Variants in USP8 observed in about 807,000 individuals in gnomAD.
The protein encoded by USP8 is ubiquitin carboxyl-terminal hydrolase 8.
A neutral mutation model predicts 130.0 loss-of-function variants in USP8; 27 were observed. The observed-to-expected ratio is 0.21, with a 90% confidence interval of 0.15 to 0.29. The LOEUF (loss-of-function observed/expected upper bound fraction) is 0.29. USP8 is among the 10% of genes least tolerant of loss of function. The pLI is 1.00. For synonymous variants in USP8, 392 were observed against 444.1 expected, an observed-to-expected ratio of 0.88 and a Z score of 1.48; for missense variants, 1,029 against 1,312.2, an observed-to-expected ratio of 0.78 and a Z score of 3.33.
intron 14 of USP8, among the ~76,000 whole-genome samples, chr15:50,492,225 G>A (rs1287596641): frequency 6.6e-6 from 1 of 152,146 alleles, no homozygotes; most frequent in Non-Finnish European, 1.5e-5. Flanking sequence ...TAGAATTTAA[G>A]TAATAGTACC....
chr15:50,495,608 A>G (rs537623319), intron 16 of USP8, among the ~76,000 whole-genome samples: 87 of 152,012 alleles, frequency 5.7e-4, no homozygotes, highest in African/African-American at 1.9e-3. Context: ...GGCCCTTTTC[A>G]GCTTTTTAAA....
chr15:50,457,674 C>T (rs2414042), intron 4 of USP8, among the ~76,000 whole-genome samples: 2,334 of 150,902 alleles, frequency 0.015, 62 homozygotes, highest in African/African-American at 0.055. Context: ...ACAAGCCTGG[C>T]CACATGGTGA....
intron 2 of USP8, 35 bp from the exon 3 acceptor site, chr15:50,441,314 A>G (rs770114138): frequency 1.4e-5 from 21 of 1,550,266 alleles, no homozygotes; most frequent in East Asian, 4.6e-5. Flanking sequence ...CCAGATGTCA[A>G]TTGCTTTAAT....
In USP8 at chr15:50,471,741, C is replaced by G; in HGVS notation, c.795C>G (p.Ala265=). The G allele has an allele frequency of 6.2e-7, 1 of 1,613,988 alleles. No individual in the cohort carries two copies. The highest frequency in any genetic ancestry group is 8.5e-7 in the Non-Finnish European group (1 of 1,179,988). The change falls in exon 8 of 20, where the codon GCC becomes GCG. Residue 265 remains alanine (A), a synonymous_variant. Coordinates refer to ENST00000307179, the MANE Select transcript of USP8 (RefSeq NM_005154.5). ...YVVLLDWFSS[A]KDLQIGTTLR... ...TACTTCTTGACTGGTTTAGTTCTGC[C>G]AAAGATTTACAGATTGGAACAACTC...
chr15:50,437,400 C>T (rs1047276120), intron 1 of USP8, among the ~76,000 whole-genome samples: 1 of 151,998 alleles, frequency 6.6e-6, no homozygotes, highest in Non-Finnish European at 1.5e-5. Flanking sequence ...TTGTTCAATT[C>T]AATTTGATTT....
At chr15:50,457,565 A>AG (rs1157613948) in intron 4 of USP8, among the ~76,000 whole-genome samples, 3 of 102,792 alleles carry the variant, frequency 2.9e-5, no homozygotes, top group Non-Finnish European at 4.5e-5. Flanking sequence ...CTCAAAAAAG[A>AG]AAAAAAAAAA....
intron 16 of USP8, among the ~76,000 whole-genome samples, chr15:50,494,717 A>G (rs1255040859): frequency 6.6e-6 from 1 of 152,164 alleles, no homozygotes; most frequent in Non-Finnish European, 1.5e-5. Context: ...ACATCCTTCT[A>G]AAATAAGAAT....
chr15:50,460,019 CAG>C (rs1323369068), intron 5 of USP8, among the ~76,000 whole-genome samples: 1 of 77,618 alleles, frequency 1.3e-5, no homozygotes, highest in Non-Finnish European at 2.4e-5. Context: ...TTTTTTGAGA[CAG>C]AGTCTCATTC....
chr15:50,484,418 T>A, intron 12 of USP8, 57 bp downstream of exon 12: 1 of 1,317,648 alleles, frequency 7.6e-7, no homozygotes, highest in Non-Finnish European at 1.1e-6. Context: ...GGATTATAAC[T>A]ATGTGATTAT....
chr15:50,433,013 G>A (rs544072458), intron 1 of USP8, among the ~76,000 whole-genome samples: 3 of 152,248 alleles, frequency 2.0e-5, no homozygotes, highest in South Asian at 2.1e-4. Flanking sequence ...AGGCCGAGGC[G>A]GGCGGATCAC....
In USP8 at chr15:50,504,566, T is replaced by C. The variant is rs1303451305; in HGVS notation, c.*5478T>C. 8 of 152,212 alleles carry C rather than the reference T, an allele frequency of 5.3e-5. No homozygotes were observed. Among genetic ancestry groups the C allele is most frequent in the African/African-American group, 9.7e-5 (4 of 41,440 alleles). 9.4% of individuals were successfully genotyped at this position (152,212 alleles called of 1,614,324 possible). A position where few individuals can be genotyped will look rare whatever the true frequency, so the allele number is the denominator to read the frequency against. ...ACACCAGAAAAGACACCATTTTATA[T>C]AGGGCCCTTGAGCATCTGTGGATTT... is the stretch of plus-strand genomic sequence containing the variant. On this transcript the variant is annotated 3_prime_UTR_variant, in exon 20 of 20. Coordinates refer to ENST00000307179, the MANE Select transcript of USP8 (RefSeq NM_005154.5).
At chr15:50,434,592 C>G (rs2050040041) in intron 1 of USP8, among the ~76,000 whole-genome samples, 1 of 151,398 alleles carries the variant, frequency 6.6e-6, no homozygotes, top group African/African-American at 2.4e-5. Context: ...ACTTGCAATC[C>G]TTTTTGAAGC....
chr15:50,452,771 T>A (rs1475457760), intron 4 of USP8, among the ~76,000 whole-genome samples: 2 of 152,194 alleles, frequency 1.3e-5, no homozygotes, highest in African/African-American at 4.8e-5. Context: ...TACCTCATAG[T>A]GCATTAAGAA....
At chr15:50,438,951 G>A (rs2050165623) in intron 1 of USP8, 58 bp from the exon 2 acceptor site, 1 of 671,382 alleles carries the variant, frequency 1.5e-6, no homozygotes, top group Admixed American at 3.3e-5. Context: ...TTTTTAAACT[G>A]CTCACTTGTT....
At chr15:50,446,251 T>C (rs913634394) in intron 3 of USP8, among the ~76,000 whole-genome samples, 2 of 152,188 alleles carry the variant, frequency 1.3e-5, no homozygotes, top group Non-Finnish European at 2.9e-5. Context: ...TATTGAAATT[T>C]TGGAAGTATT....
intron 5 of USP8, among the ~76,000 whole-genome samples, chr15:50,460,587 G>A (rs1480082047): frequency 6.6e-6 from 1 of 151,942 alleles, no homozygotes; most frequent in Admixed American, 6.6e-5. Context: ...GGGATTATAG[G>A]AGTGAGCCAC....
At chr15:50,493,517 C>CTGACGTGGGCAGA (rs1209800668) in intron 15 of USP8, 1 of 517,390 alleles carries the variant, frequency 1.9e-6, no homozygotes, top group African/African-American at 1.9e-5. Context: ...CTTTGGGAGG[C>CTGACGTGGGCAGA]TGACGTGGGC....
intron 5 of USP8, among the ~76,000 whole-genome samples, chr15:50,462,046 G>A (rs2051025633): frequency 6.6e-6 from 1 of 152,108 alleles, no homozygotes; most frequent in Non-Finnish European, 1.5e-5. Flanking sequence ...TTTAATTGAA[G>A]TAAATTTTGA....
Position 50,501,271 on chromosome 15 carries a change from G to T in USP8, c.*2183G>T, listed in dbSNP as rs2141337509. 6.6e-6 allele frequency: 1 copy of T among 151,790 alleles called. No individual in the cohort carries two copies. The highest frequency in any genetic ancestry group is 1.9e-4 in the East Asian group (1 of 5,196). 9.4% of individuals were successfully genotyped at this position (151,790 alleles called of 1,614,324 possible). On this transcript the variant is annotated 3_prime_UTR_variant, in exon 20 of 20. Coordinates refer to ENST00000307179, the MANE Select transcript of USP8 (RefSeq NM_005154.5). ...GTCCAGGAGTTCAAGACCAGCCTGGGCAAAATAGCGAGACTCCATATCTTT... is the reference window on the plus strand; with the variant it reads ...GTCCAGGAGTTCAAGACCAGCCTGGTCAAAATAGCGAGACTCCATATCTTT...
Sources: allele counts gnomAD v4.1 joint callset (sites outside exome capture counted in the v4.1 genomes callset), GRCh38; gene constraint gnomAD v4.1.1; transcripts MANE v1.5; gene names NCBI Gene and HGNC (gene_info 2026-07-23, HGNC 2026-07-21).